Variants in GHR observed in about 807,000 individuals in gnomAD.
GHR encodes GH receptor.
Under a neutral mutation model 67.1 loss-of-function variants are expected in GHR, and 35 were observed. The observed-to-expected ratio is 0.52, with a 90% confidence interval of 0.40 to 0.69. The LOEUF is 0.69. Among genes scored for constraint, GHR ranks in the 30% least tolerant of loss-of-function variants. The pLI is 0.00. For missense variants in GHR, 792 were observed against 764.6 expected (o/e 1.04, Z -0.42); for synonymous variants, 272 against 269.1 (o/e 1.01, Z -0.10).
rs74953342 is a variant in GHR, at chr5:42,563,240, C to T, written c.-11-2624C>T. Among the ~76,000 whole-genome samples, 871 of 152,324 alleles carry T rather than the reference C, an allele frequency of 5.7e-3. 4 individuals carry two copies. Among genetic ancestry groups the T allele is most frequent in the Non-Finnish European group, 0.01 (705 of 68,028 alleles). ...TTGGAATAGCAGGTGCTACTGGAAA[C>T]TTCTTTACCTGACACTAAGTGTCTT... On this transcript the variant is annotated intron_variant, in intron 1 of 9. Transcript: ENST00000230882.
Position 42,565,935 on chromosome 5 carries a change from G to A in GHR, c.61G>A (p.Gly21Arg), listed in dbSNP as rs769835036. 61 of 1,613,914 alleles carry A rather than the reference G, an allele frequency of 3.8e-5. 2 individuals carry two copies. In the South Asian group the frequency reaches 5.8e-4, roughly 15 times the overall value. ...ALAGSSDAFS[G>R]SEATAAILSR... is the part of the protein sequence containing the mutation. ...GGCAGGATCAAGTGATGCTTTTTCT[G>A]GAAGTGAGGGTGAGTTCTGCTTTTC... The change falls in exon 2 of 10, where the codon GGA becomes AGA. Residue 21 changes from glycine to arginine, a missense_variant. Coordinates refer to ENST00000230882, the MANE Select transcript of GHR (RefSeq NM_000163.5).
intron 2 of GHR, among the ~76,000 whole-genome samples, chr5:42,567,754 T>A (rs1750025264): frequency 6.7e-6 from 1 of 149,412 alleles, no homozygotes; most frequent in African/African-American, 2.5e-5. Flanking sequence ...AGTGTGTGTG[T>A]GCATGCTTGG....
chr5:42,709,722 T>C (rs1758357882), intron 6 of GHR, among the ~76,000 whole-genome samples: 1 of 152,114 alleles, frequency 6.6e-6, no homozygotes, highest in Non-Finnish European at 1.5e-5. Flanking sequence ...AGAAGTATAT[T>C]ATCTGGCAGA....
At position 42,699,833 on chromosome 5, in the gene GHR, A is replaced by T; in HGVS notation, c.449A>T (p.Asp150Val). 1 of 1,607,706 alleles carries T rather than the reference A, an allele frequency of 6.2e-7. No homozygotes were observed. Among genetic ancestry groups the T allele is most frequent in the Non-Finnish European group, 8.5e-7 (1 of 1,174,224 alleles). ...CTGTTGAATTGCACAGTGCAACCAG[A>T]TCCACCCATTGCCCTCAACTGGACT... ...CFSVDEIVQP[D>V]PPIALNWTLL... The change falls in exon 6 of 10, where the codon GAT becomes GTT. Residue 150 changes from aspartate to valine, a missense_variant. Coordinates refer to ENST00000230882, the MANE Select transcript of GHR (RefSeq NM_000163.5).
At chr5:42,514,363 A>C (rs774502037) in intron 1 of GHR, 64 of 975,186 alleles carry the variant, frequency 6.6e-5, no homozygotes, top group Non-Finnish European at 7.7e-5. Flanking sequence ...TCTGATAACC[A>C]GGTCTCTCTT....
chr5:42,600,463 A>G (rs987938331), intron 2 of GHR, among the ~76,000 whole-genome samples: 1 of 152,242 alleles, frequency 6.6e-6, no homozygotes, highest in Non-Finnish European at 1.5e-5. Context: ...TCTGACATGC[A>G]TCACTCACTG....
intron 1 of GHR, among the ~76,000 whole-genome samples, chr5:42,544,109 A>C (rs1015163174): frequency 6.6e-6 from 1 of 152,078 alleles, no homozygotes; most frequent in African/African-American, 2.4e-5. Context: ...CCTGGCAAAA[A>C]TCAAGCTGAT....
rs181791442 is a variant in GHR, at chr5:42,577,663, T to C, written c.70+11719T>C. On this transcript the variant is annotated intron_variant, in intron 2 of 9. Coordinates refer to ENST00000230882, the MANE Select transcript of GHR (RefSeq NM_000163.5). ...TCTTTAGCTGTTCTCCTAGGAACTT[T>C]AATATTAACAAACAGCTGAACTTAT... is the stretch of plus-strand genomic sequence containing the variant. Among the ~76,000 whole-genome samples the C allele has an allele frequency of 5.6e-3, 850 of 152,324 alleles. 14 individuals carry two copies. Among genetic ancestry groups the C allele is most frequent in the Non-Finnish European group, 3.6e-3 (246 of 68,016 alleles).
chr5:42,687,872 A>T (rs1450412883), intron 3 of GHR, among the ~76,000 whole-genome samples: 6 of 152,232 alleles, frequency 3.9e-5, no homozygotes, highest in Admixed American at 3.9e-4. Flanking sequence ...AGAAATTTGA[A>T]AAGAAATCTC....
At chr5:42,463,828 C>T (rs965967891) in intron 1 of GHR, among the ~76,000 whole-genome samples, 46 of 150,582 alleles carry the variant, frequency 3.1e-4, no homozygotes, top group African/African-American at 1.1e-3. Flanking sequence ...CCCGTCTCTA[C>T]TAAAAATACA....
chr5:42,614,594 A>G (rs1377881895), intron 2 of GHR, among the ~76,000 whole-genome samples: 1 of 104,320 alleles, frequency 9.6e-6, no homozygotes, highest in African/African-American at 5.0e-5. Flanking sequence ...TTTTTTTTGC[A>G]TGGAGCACAG....
chr5:42,427,989 G>A (rs7716495), intron 1 of GHR, among the ~76,000 whole-genome samples: 23,999 of 152,150 alleles, frequency 0.16, 2,130 homozygotes, highest in Middle Eastern at 0.19. Flanking sequence ...ACCATTGGGG[G>A]TGCTGGGGAA....
chr5:42,565,730 G>A lies in GHR; in HGVS notation c.-11-134G>A, dbSNP rs1749885930. 3 of 1,563,376 alleles carry A rather than the reference G, an allele frequency of 1.9e-6. No individual in the cohort carries two copies. In the Admixed American group the frequency reaches 5.6e-5, roughly 29 times the overall value. On this transcript the variant is annotated intron_variant, in intron 1 of 9. Transcript: ENST00000230882. ...GGACAATATGAGACTCTGGGGCAGT[G>A]AAAGACTTACCAGGATTCCTTCTGG...
At chr5:42,470,327 A>T (rs900675370) in intron 1 of GHR, among the ~76,000 whole-genome samples, 3 of 151,070 alleles carry the variant, frequency 2.0e-5, no homozygotes, top group African/African-American at 7.3e-5. Flanking sequence ...GCACATATAT[A>T]TCCTGCATTG....
intron 2 of GHR, among the ~76,000 whole-genome samples, chr5:42,579,108 TAG>T (rs369845199): frequency 6.5e-4 from 83 of 128,676 alleles, no homozygotes; most frequent in Non-Finnish European, 7.9e-4. Flanking sequence ...GATAGATAGA[TAG>T]ATAGATAGAT....
intron 6 of GHR, among the ~76,000 whole-genome samples, chr5:42,703,938 TG>T (rs1758052740): frequency 6.6e-6 from 1 of 151,998 alleles, no homozygotes; most frequent in African/African-American, 2.4e-5. Flanking sequence ...AGCAATTTTT[TG>T]TTGAAGTCTT....
intron 1 of GHR, among the ~76,000 whole-genome samples, chr5:42,558,333 CTTTA>C (rs1749422783): frequency 1.3e-5 from 2 of 152,130 alleles, no homozygotes; most frequent in African/African-American, 4.8e-5. Context: ...TAAAAAATTA[CTTTA>C]TTTGTTCATT....
chr5:42,495,408 C>T (rs1319033955), intron 1 of GHR, among the ~76,000 whole-genome samples: 1 of 151,886 alleles, frequency 6.6e-6, no homozygotes. Flanking sequence ...TGTTTTTTTC[C>T]ACCAGGATTA....
intron 1 of GHR, among the ~76,000 whole-genome samples, chr5:42,528,524 T>C (rs1396056196): frequency 6.6e-6 from 1 of 152,154 alleles, no homozygotes; most frequent in Non-Finnish European, 1.5e-5. Flanking sequence ...TTCTTATGGA[T>C]GAACAAAAAA....
Sources: gnomAD v4.1 joint callset for allele counts (sites outside exome capture counted in the v4.1 genomes callset) on GRCh38, gnomAD v4.1.1 for gene constraint, MANE v1.5 for transcripts, NCBI Gene and HGNC (gene_info 2026-07-23, HGNC 2026-07-21) for gene names.